Variants in RGPD4 observed in about 807,000 individuals in gnomAD.
RGPD4 encodes RANBP2 like and GRIP domain containing 4.
A neutral mutation model predicts 141.1 loss-of-function variants in RGPD4; 84 were observed. The ratio of observed to expected loss-of-function variants is 0.60; its 90% CI spans 0.50 to 0.71. RGPD4 has a LOEUF of 0.71. Among genes scored for constraint, RGPD4 ranks in the 30% least tolerant of loss-of-function variants. RGPD4 has a pLI of 0.00. For synonymous variants in RGPD4, 298 were observed against 566.8 expected (o/e 0.53, Z 6.74); for missense variants, 918 against 1,622.4 (o/e 0.57, Z 7.46).
chr2:107,880,259 C>CTTTTTTTTTTT (rs58305715), intron 21 of RGPD4, among the ~76,000 whole-genome samples, 152 bp downstream of exon 21: 1 of 48,184 alleles, frequency 2.1e-5, no homozygotes, highest in Non-Finnish European at 3.4e-5. Context: ...GAAATATTGC[C>CTTTTTTTTTTT]TTTTTTTTTT....
chr2:107,874,680 C>T (rs200903387), intron 20 of RGPD4, among the ~76,000 whole-genome samples: 40,879 of 148,260 alleles, frequency 0.28, 5,810 homozygotes, highest in Middle Eastern at 0.34. Flanking sequence ...TGTGCCTATA[C>T]ACTACTGTAG....
chr2:107,854,049 C>G (rs1001053886), intron 7 of RGPD4, among the ~76,000 whole-genome samples: 4 of 148,058 alleles, frequency 2.7e-5, no homozygotes, highest in African/African-American at 1.0e-4. Flanking sequence ...ATGTCTGGCC[C>G]CTCTCTTTTT....
At chr2:107,841,316 C>G (rs1681792745) in intron 4 of RGPD4, among the ~76,000 whole-genome samples, 1 of 80,210 alleles carries the variant, frequency 1.2e-5, no homozygotes, top group East Asian at 2.3e-4. Context: ...CACTGTTACA[C>G]CTTTCCTGTA....
rs1341965293 is a variant in RGPD4, at chr2:107,867,419, C to T, written c.2605+1094C>T. ...CAACACAAGCAAAATAACAGAAAAT[C>T]TTTGTGAAGTCAAGCTTATTAAATG... On this transcript the variant is annotated intron_variant, in intron 18 of 22. Coordinates refer to ENST00000408999, the MANE Select transcript of RGPD4 (RefSeq NM_182588.3). 1.4e-3 allele frequency among the ~76,000 whole-genome samples: 206 copies of T among 149,844 alleles called. 1 individual carries two copies. The highest frequency in any genetic ancestry group is 2.5e-3 in the Non-Finnish European group (165 of 67,218).
chr2:107,883,078 A>T, intron 22 of RGPD4: 1 of 735,708 alleles, frequency 1.4e-6, no homozygotes, highest in South Asian at 1.7e-5. Context: ...TTTAACGTTC[A>T]GCAAAATACA....
chr2:107,884,213 C>T (rs1439309216), intron 22 of RGPD4, among the ~76,000 whole-genome samples: 11 of 152,020 alleles, frequency 7.2e-5, no homozygotes, highest in Admixed American at 1.3e-4. Context: ...CGGATTCAAG[C>T]GATTCTCCTG....
intron 7 of RGPD4, 72 bp from the exon 8 acceptor site, chr2:107,854,484 A>C: frequency 2.5e-6 from 2 of 795,522 alleles, no homozygotes; most frequent in Non-Finnish European, 4.0e-6. Flanking sequence ...GTACAGTGTA[A>C]TAGATAAGAC....
intron 1 of RGPD4, among the ~76,000 whole-genome samples, chr2:107,827,788 G>A (rs868265096): frequency 1.9e-3 from 45 of 23,704 alleles, no homozygotes; most frequent in Middle Eastern, 0.062. Flanking sequence ...CTGTTGAGGC[G>A]GCGGCCTCGA....
At chr2:107,830,208 C>T (rs1412186575) in intron 1 of RGPD4, among the ~76,000 whole-genome samples, 3 of 151,720 alleles carry the variant, frequency 2.0e-5, no homozygotes, top group Admixed American at 2.0e-4. Flanking sequence ...TCTTACAAAT[C>T]GTTAGTATGG....
chr2:107,826,987 C>T lies in RGPD4; in HGVS notation c.-27C>T, dbSNP rs1461497583. 10 of 1,588,928 alleles carry T rather than the reference C, an allele frequency of 6.3e-6. No homozygotes were observed. The highest frequency in any genetic ancestry group is 8.6e-6 in the Non-Finnish European group (10 of 1,169,426). On this transcript the variant is annotated 5_prime_UTR_variant, in exon 1 of 23. Coordinates refer to ENST00000408999, the MANE Select transcript of RGPD4 (RefSeq NM_182588.3). ...TGCGGGGCTGAGCGCTGGTTTCACGCGTCTCGGGAGCCAGGTTGGTGGCGC... is the reference window on the plus strand; with the variant it reads ...TGCGGGGCTGAGCGCTGGTTTCACGTGTCTCGGGAGCCAGGTTGGTGGCGC...
In RGPD4 at chr2:107,887,187, G is replaced by A. The variant is rs529655370; in HGVS notation, c.5267-3534G>A. Among the ~76,000 whole-genome samples the A allele has an allele frequency of 2.2e-3, 331 of 151,904 alleles. 2 individuals are homozygous for A. The highest frequency in any genetic ancestry group is 6.8e-3 in the Middle Eastern group (2 of 294). On this transcript the variant is annotated intron_variant, in intron 22 of 22. Coordinates refer to ENST00000408999, the MANE Select transcript of RGPD4 (RefSeq NM_182588.3). ...TTATAAGGAGTTCGAGGCTGCAGTC[G>A]AACTTCTGGTCGAAATCCTGGTCAC...
intron 20 of RGPD4, among the ~76,000 whole-genome samples, chr2:107,876,533 C>T (rs1683097400): frequency 6.6e-6 from 1 of 151,074 alleles, no homozygotes; most frequent in Admixed American, 6.6e-5. Context: ...TGTAGAACTG[C>T]ATAACCAATA....
intron 7 of RGPD4, among the ~76,000 whole-genome samples, chr2:107,849,353 G>A (rs1203876928): frequency 1.4e-4 from 10 of 70,894 alleles, no homozygotes; most frequent in Admixed American, 8.3e-4. Context: ...TGCGCCTGGC[G>A]CGCCTGGCCT....
At chr2:107,881,713 G>T (rs1339422555) in intron 21 of RGPD4, among the ~76,000 whole-genome samples, 1 of 150,556 alleles carries the variant, frequency 6.6e-6, no homozygotes, top group South Asian at 2.1e-4. Context: ...GACAAAGTTC[G>T]CTAACTTTCT....
chr2:107,832,246 T>A (rs1488896776), intron 1 of RGPD4, among the ~76,000 whole-genome samples: 1 of 148,864 alleles, frequency 6.7e-6, no homozygotes, highest in Admixed American at 6.7e-5. Flanking sequence ...TTCTCCAACC[T>A]GGATTGGGTT....
chr2:107,863,538 G>T (rs1490753964), intron 17 of RGPD4, among the ~76,000 whole-genome samples: 2 of 150,138 alleles, frequency 1.3e-5, no homozygotes, highest in African/African-American at 2.5e-5. Flanking sequence ...TGTTGCCCAG[G>T]CTGGAGTGCA....
intron 21 of RGPD4, among the ~76,000 whole-genome samples, chr2:107,880,383 C>T (rs904877685): frequency 6.8e-6 from 1 of 147,826 alleles, no homozygotes; most frequent in Non-Finnish European, 1.5e-5. Context: ...CCTGCCTCAG[C>T]CTCCCAAGTA....
chr2:107,827,119 C>A (rs1681219537), intron 1 of RGPD4, 34 bp downstream of exon 1: 6 of 1,565,708 alleles, frequency 3.8e-6, no homozygotes, highest in East Asian at 2.4e-5. Flanking sequence ...ACGGCCTCGA[C>A]CTGGCCGGGC....
Position 107,892,227 on chromosome 2 carries a change from T to C in RGPD4, c.*1496T>C, listed in dbSNP as rs1466235080. On this transcript the variant is annotated 3_prime_UTR_variant, in exon 23 of 23. Coordinates refer to ENST00000408999, the MANE Select transcript of RGPD4 (RefSeq NM_182588.3). ...AGAACAGACCTAACTAGCGAATGTATGAATGAAAATGCATCTATTTCAGAG... is the reference window on the plus strand; with the variant it reads ...AGAACAGACCTAACTAGCGAATGTACGAATGAAAATGCATCTATTTCAGAG... Among the ~76,000 whole-genome samples the C allele has an allele frequency of 3.8e-5, 2 of 53,118 alleles. 1 individual carries two copies. Among genetic ancestry groups the C allele is most frequent in the Non-Finnish European group, 7.6e-5 (2 of 26,440 alleles). The allele number at this position is 53,118 out of a possible 152,430, so 34.8% of individuals were successfully genotyped here.
Sources: gnomAD v4.1 joint callset for allele counts (sites outside exome capture counted in the v4.1 genomes callset) on GRCh38, gnomAD v4.1.1 for gene constraint, MANE v1.5 for transcripts, NCBI Gene and HGNC (gene_info 2026-07-23, HGNC 2026-07-21) for gene names.